The following RBPMS2 variants were observed in gnomAD, a reference collection of about 807,000 sequenced individuals.
RBPMS2 encodes the protein RNA-binding protein with multiple splicing 2.
A neutral mutation model predicts 25.7 loss-of-function variants in RBPMS2; 14 were observed. The ratio of observed to expected loss-of-function variants is 0.55; its 90% CI spans 0.36 to 0.85. The LOEUF (loss-of-function observed/expected upper bound fraction) is 0.85, where lower values mean the gene tolerates loss of function less well. RBPMS2 is among the 40% of genes least tolerant of loss of function. The pLI, the probability that RBPMS2 is intolerant of heterozygous loss-of-function variation, is 0.01. For synonymous variants in RBPMS2, 127 were observed against 115.6 expected (o/e 1.10, Z -0.63); for missense variants, 252 against 283.4 (o/e 0.89, Z 0.80).
chr15:64,759,796 C>T lies in RBPMS2; in HGVS notation c.88-8158G>A, dbSNP rs536927917. Among the ~76,000 whole-genome samples the T allele has an allele frequency of 4.3e-4, 65 of 152,274 alleles. 1 individual carries two copies. Among genetic ancestry groups the T allele is most frequent in the Admixed American group, 2.0e-4 (3 of 15,292 alleles). On this transcript the variant is annotated intron_variant, in intron 1 of 7. Coordinates refer to ENST00000300069, the MANE Select transcript of RBPMS2 (RefSeq NM_194272.3). ...CAAGCGATTCTCCTGCCTCAGCCTC[C>T]GGAGTAGCTATGACTACAGGAGCGC...
chr15:64,769,424 CAAA>C (rs11311509), intron 1 of RBPMS2, among the ~76,000 whole-genome samples: 1 of 87,904 alleles, frequency 1.1e-5, no homozygotes, highest in Non-Finnish European at 2.1e-5. Context: ...AACTCCGTCT[CAAA>C]AAAAAAAAAA....
intron 6 of RBPMS2, among the ~76,000 whole-genome samples, chr15:64,744,146 A>G (rs2083590791): frequency 6.6e-6 from 1 of 152,052 alleles, no homozygotes; most frequent in Non-Finnish European, 1.5e-5. Context: ...AAAGGAAAAA[A>G]AAAAGATATA....
At chr15:64,758,039 C>T (rs1161962138) in intron 1 of RBPMS2, among the ~76,000 whole-genome samples, 1 of 152,202 alleles carries the variant, frequency 6.6e-6, no homozygotes, top group Non-Finnish European at 1.5e-5. Flanking sequence ...GCACCGACAA[C>T]TAGTTGATGA....
intron 7 of RBPMS2, 29 bp downstream of exon 7, chr15:64,741,144 T>C: frequency 6.5e-7 from 1 of 1,532,102 alleles, no homozygotes; most frequent in Non-Finnish European, 8.9e-7. Flanking sequence ...CTAGGACACT[T>C]GTCCTGGGCC....
chr15:64,741,583 A>T (rs2083562788), intron 6 of RBPMS2, among the ~76,000 whole-genome samples: 1 of 152,164 alleles, frequency 6.6e-6, no homozygotes. Flanking sequence ...CCCTTTACTG[A>T]CACAGCACGG....
chr15:64,755,652 C>T (rs1419898251), intron 1 of RBPMS2, among the ~76,000 whole-genome samples: 1 of 152,160 alleles, frequency 6.6e-6, no homozygotes. Flanking sequence ...GTGCTGCCAT[C>T]CATCCACTCA....
At chr15:64,763,612 T>G (rs957146851) in intron 1 of RBPMS2, among the ~76,000 whole-genome samples, 5 of 152,166 alleles carry the variant, frequency 3.3e-5, no homozygotes, top group African/African-American at 1.2e-4. Flanking sequence ...ACCATCAGCA[T>G]GCAAAGCTCA....
At chr15:64,742,812 C>A (rs1021054983) in intron 6 of RBPMS2, among the ~76,000 whole-genome samples, 3 of 152,178 alleles carry the variant, frequency 2.0e-5, no homozygotes, top group Admixed American at 6.5e-5. Flanking sequence ...ACCCAGTTAC[C>A]CACTTGGCTG....
At chr15:64,750,508 A>C (rs1595787227) in intron 2 of RBPMS2, 127 bp from the exon 3 acceptor site, 1 of 798,712 alleles carries the variant, frequency 1.3e-6, no homozygotes, top group Non-Finnish European at 2.2e-6. Context: ...GTCAACATCA[A>C]CCCACCCTGA....
At chr15:64,757,652 AG>A (rs1392155204) in intron 1 of RBPMS2, among the ~76,000 whole-genome samples, 1 of 152,216 alleles carries the variant, frequency 6.6e-6, no homozygotes, top group African/African-American at 2.4e-5. Flanking sequence ...CAGCAATGGC[AG>A]GAACAGAGAC....
chr15:64,746,166 CAG>C (rs1191177893), intron 6 of RBPMS2, among the ~76,000 whole-genome samples: 1 of 152,140 alleles, frequency 6.6e-6, no homozygotes, highest in Admixed American at 6.5e-5. Flanking sequence ...AAGGGCTGCC[CAG>C]AGAGTTTGAG....
intron 1 of RBPMS2, among the ~76,000 whole-genome samples, chr15:64,759,468 G>A (rs912552138): frequency 6.6e-6 from 1 of 152,110 alleles, no homozygotes; most frequent in Non-Finnish European, 1.5e-5. Flanking sequence ...TTAGAGAAGA[G>A]AAGTAAGAAG....
intron 1 of RBPMS2, among the ~76,000 whole-genome samples, chr15:64,761,547 C>T (rs572041293): frequency 1.3e-5 from 2 of 152,238 alleles, no homozygotes; most frequent in South Asian, 4.1e-4. Context: ...AACTGGCCTT[C>T]GGCTTTTTTG....
At chr15:64,748,922 G>T in intron 5 of RBPMS2, 78 bp downstream of exon 5, 2 of 1,520,328 alleles carry the variant, frequency 1.3e-6, no homozygotes, top group Non-Finnish European at 1.8e-6. Context: ...CTGGAAAAGG[G>T]GCTTCCCTCT....
chr15:64,764,883 A>C (rs2083828633), intron 1 of RBPMS2, among the ~76,000 whole-genome samples: 1 of 146,164 alleles, frequency 6.8e-6, no homozygotes. Context: ...ACGCCACTGC[A>C]CTCTAGCCTG....
chr15:64,751,412 G>C, intron 2 of RBPMS2, 149 bp downstream of exon 2: 3 of 636,346 alleles, frequency 4.7e-6, no homozygotes, highest in South Asian at 3.8e-5. Context: ...ATGTGAATTC[G>C]CAGAACCAGG....
At chr15:64,747,174 G>A (rs1268964431) in intron 6 of RBPMS2, among the ~76,000 whole-genome samples, 1 of 152,146 alleles carries the variant, frequency 6.6e-6, no homozygotes, top group Non-Finnish European at 1.5e-5. Context: ...ACAACTGAAC[G>A]TTGCGGAGCC....
Position 64,775,402 on chromosome 15 carries a change from G to T in RBPMS2, c.-83C>A. On this transcript the variant is annotated 5_prime_UTR_variant, in exon 1 of 8. Coordinates refer to ENST00000300069, the MANE Select transcript of RBPMS2 (RefSeq NM_194272.3). ...CGGGAAGTGGGAAGGGGCGCGGGGA[G>T]CGGTGCGCTCGCGGGTGCGGAGCGG... The T allele has an allele frequency of 1.3e-6, 1 of 741,096 alleles. No individual in the cohort carries two copies. Among genetic ancestry groups the T allele is most frequent in the Non-Finnish European group, 1.8e-6 (1 of 547,172 alleles). 45.9% of individuals were successfully genotyped at this position (741,096 alleles called of 1,614,324 possible).
Position 64,739,917 on chromosome 15 carries a change from T to C in RBPMS2, c.*1091A>G, listed in dbSNP as rs1034085931. 1 of 152,606 alleles carries C rather than the reference T, an allele frequency of 6.6e-6. No individual in the cohort carries two copies. The highest frequency in any genetic ancestry group is 1.5e-5 in the Non-Finnish European group (1 of 68,056). The allele number at this position is 152,606 out of a possible 1,614,324, so 9.5% of individuals were successfully genotyped here. On this transcript the variant is annotated 3_prime_UTR_variant, in exon 8 of 8. Coordinates refer to ENST00000300069, the MANE Select transcript of RBPMS2 (RefSeq NM_194272.3). ...CATTTTGGTTTTGTTTTATTTTGCATTTCATATATTATCCAGTTTCACATT... is the reference window on the plus strand; with the variant it reads ...CATTTTGGTTTTGTTTTATTTTGCACTTCATATATTATCCAGTTTCACATT...
Sources: gnomAD v4.1 joint callset for allele counts (sites outside exome capture counted in the v4.1 genomes callset) on GRCh38, gnomAD v4.1.1 for gene constraint, MANE v1.5 for transcripts, NCBI Gene and HGNC (gene_info 2026-07-23, HGNC 2026-07-21) for gene names.